Variants in RORA observed in about 807,000 individuals in gnomAD.
RORA encodes the protein RAR related orphan receptor A.
RORA carries 7 observed loss-of-function variants against 69.5 expected under a neutral mutation model. The observed-to-expected ratio is 0.10, with a 90% confidence interval of 0.06 to 0.19. The LOEUF (loss-of-function observed/expected upper bound fraction) is 0.19, where lower values mean the gene tolerates loss of function less well. RORA is among the 10% of genes least tolerant of loss of function. RORA has a pLI of 1.00. For missense variants in RORA, 457 were observed against 663.0 expected, an observed-to-expected ratio of 0.69 and a Z score of 3.41; for synonymous variants, 261 against 240.8, an observed-to-expected ratio of 1.08 and a Z score of -0.78.
At position 60,496,179 on chromosome 15, in the gene RORA, G is replaced by C. The variant is rs1467717178; in HGVS notation, c.*1276C>G. ...CAAATCTAGAATTAGTTCACTCTGA[G>C]ATAAACTCATAGGGTTCCTAGATTA... On this transcript the variant is annotated 3_prime_UTR_variant, in exon 11 of 11. Coordinates refer to ENST00000335670, the MANE Select transcript of RORA (RefSeq NM_134261.3). This position sits in a 1 kb window ranked among gnomAD's most constrained non-coding sequence, Gnocchi z 4.5. 6.6e-6 allele frequency: 1 copy of C among 152,128 alleles called. No homozygotes were observed. Among genetic ancestry groups the C allele is most frequent in the Non-Finnish European group, 1.5e-5 (1 of 68,026 alleles). The allele number at this position is 152,128 out of a possible 1,614,324, so 9.4% of individuals were successfully genotyped here. A position where few individuals can be genotyped will look rare whatever the true frequency, so the allele number is the denominator to read the frequency against.
At chr15:60,938,086 C>T (rs74017885) in intron 1 of RORA, among the ~76,000 whole-genome samples, 1,585 of 152,194 alleles carry the variant, frequency 0.01, 31 homozygotes, top group African/African-American at 0.036. Context: ...GTTTTTCCAG[C>T]TTGTGTACAC....
At chr15:60,815,944 A>ATT (rs1281388438) in intron 1 of RORA, among the ~76,000 whole-genome samples, 1 of 146,310 alleles carries the variant, frequency 6.8e-6, no homozygotes, top group African/African-American at 2.5e-5. Flanking sequence ...TAAATAGTGT[A>ATT]TATATACTAT....
intron 1 of RORA, among the ~76,000 whole-genome samples, chr15:60,813,194 C>T (rs150862150): frequency 3.9e-5 from 6 of 152,266 alleles, no homozygotes; most frequent in South Asian, 2.1e-4. Flanking sequence ...CTCAGCCTCA[C>T]GGCCCCAACC....
chr15:61,040,113 GATATATATATATATATATATATATAT>G (rs60830259), intron 1 of RORA, among the ~76,000 whole-genome samples: 1,073 of 46,318 alleles, frequency 0.023, 41 homozygotes, highest in Middle Eastern at 0.073. Flanking sequence ...CACAAGCTTT[GATATATATATATATATATATATATAT>G]ATATATATAT....
intron 1 of RORA, among the ~76,000 whole-genome samples, chr15:61,134,668 T>C (rs1238571080): frequency 6.6e-6 from 1 of 152,210 alleles, no homozygotes; most frequent in Non-Finnish European, 1.5e-5. Context: ...TAAAATCACA[T>C]TCTAGATGAT....
intron 1 of RORA, among the ~76,000 whole-genome samples, chr15:61,034,788 CAAAAAA>C (rs33933996): frequency 1.2e-5 from 1 of 83,008 alleles, no homozygotes; most frequent in Non-Finnish European, 2.4e-5. Context: ...CATCACAGAC[CAAAAAA>C]AAAAAAAAAA....
chr15:60,803,638 C>A (rs192916639), intron 1 of RORA, among the ~76,000 whole-genome samples: 1 of 152,288 alleles, frequency 6.6e-6, no homozygotes, highest in Non-Finnish European at 1.5e-5. Context: ...CCTGTCAAAT[C>A]ATCTTTCTGG....
At position 61,131,950 on chromosome 15, in the gene RORA, T is replaced by C. The variant is rs1253767964; in HGVS notation, c.166+97103A>G. On this transcript the variant is annotated intron_variant, in intron 1 of 10. Transcript: ENST00000335670. The surrounding 1 kb of genome is among the most constrained non-coding windows in gnomAD (Gnocchi z 4.2). ...CTGGGGGTAGATGCTGTAACCCTGA[T>C]TACTAGTGGAGATGGAACTTATGGG... Among the ~76,000 whole-genome samples the C allele has an allele frequency of 1.3e-5, 2 of 152,224 alleles. No homozygotes were observed. The highest frequency in any genetic ancestry group is 2.4e-5 in the African/African-American group (1 of 41,466).
At chr15:60,789,463 G>A (rs1359958059) in intron 1 of RORA, among the ~76,000 whole-genome samples, 2 of 152,196 alleles carry the variant, frequency 1.3e-5, no homozygotes, top group Admixed American at 1.3e-4. Flanking sequence ...AGACTTCCCT[G>A]GACACCCTGC....
intron 1 of RORA, chr15:60,848,527 G>C (rs62006788): frequency 0.13 from 19,706 of 152,310 alleles, 1,615 homozygotes; most frequent in Admixed American, 0.23. Context: ...CCTTCAGAAG[G>C]AATGCAGGAC....
At chr15:60,535,711 TG>T (rs1182253954) in intron 2 of RORA, among the ~76,000 whole-genome samples, 9 of 152,168 alleles carry the variant, frequency 5.9e-5, no homozygotes, top group Non-Finnish European at 8.8e-5. Flanking sequence ...AAATAAAAAT[TG>T]TATGACAGGC....
At chr15:61,098,590 G>A (rs977647134) in intron 1 of RORA, among the ~76,000 whole-genome samples, 2 of 152,168 alleles carry the variant, frequency 1.3e-5, no homozygotes, top group African/African-American at 4.8e-5. Flanking sequence ...CAGTCCTTCC[G>A]ACTTGGCCTC....
intron 1 of RORA, among the ~76,000 whole-genome samples, chr15:61,170,068 C>A (rs982775381): frequency 1.3e-5 from 2 of 152,190 alleles, no homozygotes; most frequent in African/African-American, 4.8e-5. Context: ...CCAAGGTGAG[C>A]TGCTGTGCCT....
intron 2 of RORA, among the ~76,000 whole-genome samples, chr15:60,630,888 C>CTT (rs542275787): frequency 9.1e-5 from 10 of 109,894 alleles, no homozygotes; most frequent in South Asian, 3.0e-4. Context: ...ATGAGACTTT[C>CTT]TTTTTTTTTT....
intron 1 of RORA, among the ~76,000 whole-genome samples, chr15:60,795,667 C>A (rs1429452492): frequency 6.6e-6 from 1 of 152,150 alleles, no homozygotes; most frequent in Non-Finnish European, 1.5e-5. Context: ...GTGAGTAAGG[C>A]AGAAACAACA....
chr15:60,670,218 T>C lies in RORA; in HGVS notation c.196+8439A>G, dbSNP rs562682002. ...TCCTACCTCTTTTTTTTTTTTCTTT[T>C]TTTTTTTTTGAGATGGAGTCCCACT... On this transcript the variant is annotated intron_variant, in intron 2 of 10. Transcript: ENST00000335670. 1.5e-3 allele frequency among the ~76,000 whole-genome samples: 209 copies of C among 140,832 alleles called. 2 individuals are homozygous for C. The highest frequency in any genetic ancestry group is 5.5e-3 in the African/African-American group (203 of 37,120). The allele number at this position is 140,832 out of a possible 152,430, so 92.4% of individuals were successfully genotyped here. A position where few individuals can be genotyped will look rare whatever the true frequency, so the allele number is the denominator to read the frequency against.
chr15:61,013,301 A>ATC (rs1895150287), intron 1 of RORA, among the ~76,000 whole-genome samples: 1 of 152,200 alleles, frequency 6.6e-6, no homozygotes. Flanking sequence ...TTTGTTTATG[A>ATC]ACTGCCTCTG....
At chr15:60,622,003 G>T (rs547491102) in intron 2 of RORA, among the ~76,000 whole-genome samples, 115 of 152,162 alleles carry the variant, frequency 7.6e-4, no homozygotes, top group African/African-American at 2.7e-3. Flanking sequence ...AGCCAAGGTT[G>T]CACCGTTGCA....
intron 1 of RORA, among the ~76,000 whole-genome samples, chr15:60,744,981 C>A (rs1396952338): frequency 2.0e-5 from 3 of 152,222 alleles, no homozygotes; most frequent in Non-Finnish European, 4.4e-5. Context: ...TCTCTTGAAT[C>A]CAGCCTATGC....
Sources: allele counts gnomAD v4.1 joint callset (sites outside exome capture counted in the v4.1 genomes callset), GRCh38; gene constraint gnomAD v4.1.1; non-coding constraint Gnocchi (gnomAD v3.1); transcripts MANE v1.5; gene names NCBI Gene and HGNC (gene_info 2026-07-23, HGNC 2026-07-21).